Variants in GRIN2A observed in about 807,000 individuals in gnomAD.
The protein encoded by GRIN2A is glutamate ionotropic receptor NMDA type subunit 2A.
In GRIN2A, 22 loss-of-function variants were observed where a neutral mutation model predicts 113.4. That is an observed-to-expected ratio of 0.19 (90% CI 0.14 to 0.28). The LOEUF (loss-of-function observed/expected upper bound fraction) is 0.28, where lower values mean the gene tolerates loss of function less well. GRIN2A is among the 10% of genes least tolerant of loss of function. GRIN2A has a pLI of 1.00. For synonymous variants in GRIN2A, 827 were observed against 738.4 expected (o/e 1.12, Z -1.94); for missense variants, 1,502 against 1,887.0 (o/e 0.80, Z 3.78).
intron 2 of GRIN2A, among the ~76,000 whole-genome samples, chr16:10,141,432 G>T (rs1567328522): frequency 6.6e-6 from 1 of 152,014 alleles, no homozygotes; most frequent in Non-Finnish European, 1.5e-5. Context: ...AGGTTGCAGT[G>T]AGCCGAGATC....
At chr16:9,816,035 T>G (rs975661867) in intron 10 of GRIN2A, among the ~76,000 whole-genome samples, 1 of 152,200 alleles carries the variant, frequency 6.6e-6, no homozygotes, top group African/African-American at 2.4e-5. Flanking sequence ...ATGATTCCAC[T>G]TAGATGAGGT....
chr16:9,876,997 C>G (rs2043380780), intron 4 of GRIN2A, among the ~76,000 whole-genome samples: 1 of 152,190 alleles, frequency 6.6e-6, no homozygotes, highest in South Asian at 2.1e-4. Context: ...AAGGCAGATA[C>G]CATCCCTGTG....
rs1900606504 is a variant in GRIN2A at position 9,762,031 on chromosome 16, G to C, written c.*1118C>G. On this transcript the variant is annotated 3_prime_UTR_variant, in exon 13 of 13. Coordinates refer to ENST00000330684, the MANE Select transcript of GRIN2A (RefSeq NM_001134407.3). Reference sequence around the variant, plus strand: ...AACAGAATTTCTGGATGTGAAGGAAGATAAACCTAAAACCATGCTAGCCTT... The same window carrying C: ...AACAGAATTTCTGGATGTGAAGGAACATAAACCTAAAACCATGCTAGCCTT... 8 of 199,972 alleles carry C rather than the reference G, an allele frequency of 4.0e-5. No individual in the cohort carries two copies. In the Admixed American group the frequency reaches 4.8e-4, roughly 12 times the overall value. The allele number at this position is 199,972 out of a possible 1,614,324, so 12.4% of individuals were successfully genotyped here. A position where few individuals can be genotyped will look rare whatever the true frequency, so the allele number is the denominator to read the frequency against.
At chr16:10,124,063 T>C (rs1258275365) in intron 2 of GRIN2A, among the ~76,000 whole-genome samples, 1 of 152,074 alleles carries the variant, frequency 6.6e-6, no homozygotes, top group East Asian at 1.9e-4. Flanking sequence ...CAGAGACAGA[T>C]GAAGTGAAAT....
chr16:10,131,395 G>A (rs1049058166), intron 2 of GRIN2A, among the ~76,000 whole-genome samples: 9 of 151,864 alleles, frequency 5.9e-5, no homozygotes, highest in African/African-American at 1.2e-4. Context: ...GAAATTCATC[G>A]GGAAGTTGGA....
At chr16:9,940,024 GAGAGAGAGAGAGAGAGAA>G (rs1419982787) in intron 2 of GRIN2A, among the ~76,000 whole-genome samples, 2 of 138,448 alleles carry the variant, frequency 1.4e-5, no homozygotes, top group Non-Finnish European at 3.3e-5. Context: ...CACTGAGAGA[GAGAGAGAGAGAGAGAGAA>G]AGAGAGAGAG....
intron 11 of GRIN2A, among the ~76,000 whole-genome samples, chr16:9,793,026 G>T (rs767573976): frequency 6.6e-6 from 1 of 152,194 alleles, no homozygotes; most frequent in Non-Finnish European, 1.5e-5. Flanking sequence ...CACTGAAACA[G>T]TCTTTGTTTT....
chr16:9,865,870 T>TTGGTGACACAAATATG (rs1479550546), intron 4 of GRIN2A, among the ~76,000 whole-genome samples: 1 of 152,258 alleles, frequency 6.6e-6, no homozygotes, highest in Non-Finnish European at 1.5e-5. Context: ...AAAAGAATAT[T>TTGGTGACACAAATATG]TGGTGACACA....
intron 2 of GRIN2A, among the ~76,000 whole-genome samples, chr16:10,088,211 G>C (rs1430920866): frequency 6.6e-6 from 1 of 152,134 alleles, no homozygotes; most frequent in Non-Finnish European, 1.5e-5. Context: ...CAGAGCCTCT[G>C]TTAGAGTCTC....
At chr16:10,148,621 A>T (rs2049496538) in intron 2 of GRIN2A, among the ~76,000 whole-genome samples, 1 of 152,208 alleles carries the variant, frequency 6.6e-6, no homozygotes, top group Non-Finnish European at 1.5e-5. Flanking sequence ...CGTCTTCCCC[A>T]TCTCAACAAA....
intron 3 of GRIN2A, among the ~76,000 whole-genome samples, chr16:9,906,511 A>T (rs991275379): frequency 1.4e-4 from 21 of 152,158 alleles, no homozygotes; most frequent in Non-Finnish European, 1.5e-5. Flanking sequence ...TCGGTACGTG[A>T]CTCAATCTCA....
intron 2 of GRIN2A, among the ~76,000 whole-genome samples, chr16:10,110,386 T>C (rs1168764489): frequency 6.6e-6 from 1 of 152,238 alleles, no homozygotes; most frequent in Non-Finnish European, 1.5e-5. Context: ...TAAATTCTAA[T>C]GGACGCTATT....
intron 2 of GRIN2A, among the ~76,000 whole-genome samples, chr16:10,152,537 C>T (rs1241933106): frequency 2.0e-5 from 3 of 152,188 alleles, no homozygotes; most frequent in African/African-American, 7.2e-5. Flanking sequence ...CTCACTCTGA[C>T]CTGGTTCATT....
chr16:10,145,698 A>T (rs1230616907), intron 2 of GRIN2A, among the ~76,000 whole-genome samples: 1 of 152,230 alleles, frequency 6.6e-6, no homozygotes, highest in African/African-American at 2.4e-5. Flanking sequence ...CTTTTCTGTA[A>T]AGGGCCAGAT....
intron 2 of GRIN2A, among the ~76,000 whole-genome samples, chr16:10,030,840 C>G (rs756100813): frequency 1.3e-5 from 2 of 152,188 alleles, no homozygotes; most frequent in Non-Finnish European, 2.9e-5. Flanking sequence ...AGAGATACAG[C>G]AGTGAGCAAA....
At chr16:9,888,867 A>C (rs541652257) in intron 4 of GRIN2A, among the ~76,000 whole-genome samples, 1 of 152,014 alleles carries the variant, frequency 6.6e-6, no homozygotes. Flanking sequence ...AAATGACCAT[A>C]TTTCCCCCTT....
At position 10,148,538 on chromosome 16, in the gene GRIN2A, C is replaced by G. The variant is rs570280178; in HGVS notation, c.414+31460G>C. On this transcript the variant is annotated intron_variant, in intron 2 of 12. Transcript: ENST00000330684. ...CAGATCTAGCCAACCTGTTTGATAT[C>G]TGCTTCCACTTGAATGTGAAATGAT... is the stretch of plus-strand genomic sequence containing the variant. 1.1e-4 allele frequency among the ~76,000 whole-genome samples: 16 copies of G among 152,330 alleles called. 1 individual carries two copies. Among genetic ancestry groups the G allele is most frequent in the African/African-American group, 3.6e-4 (15 of 41,574 alleles).
In GRIN2A at chr16:9,819,001, T is replaced by C. The variant is rs1053795334; in HGVS notation, c.2168+3263A>G. Among the ~76,000 whole-genome samples, 21 of 152,330 alleles carry C rather than the reference T, an allele frequency of 1.4e-4. No homozygotes were observed. In the Middle Eastern group the frequency reaches 0.01, roughly 74 times the overall value. ...AGGCCTGACCAAATAAAATATGGTA[T>C]ATTTGCATAATGAAAGATTATGACT... On this transcript the variant is annotated intron_variant, in intron 10 of 12. Transcript: ENST00000330684.
intron 5 of GRIN2A, among the ~76,000 whole-genome samples, chr16:9,844,436 G>T (rs1328058653): frequency 6.6e-6 from 1 of 152,148 alleles, no homozygotes; most frequent in Non-Finnish European, 1.5e-5. Flanking sequence ...CTTGTAATTG[G>T]GAACGTCTGT....
Sources: allele counts gnomAD v4.1 joint callset (sites outside exome capture counted in the v4.1 genomes callset), GRCh38; gene constraint gnomAD v4.1.1; transcripts MANE v1.5; gene names NCBI Gene and HGNC (gene_info 2026-07-23, HGNC 2026-07-21).